The following HSD17B12 variants were observed in gnomAD, a reference collection of about 807,000 sequenced individuals.
HSD17B12 encodes hydroxysteroid 17-beta dehydrogenase 12.
Under a neutral mutation model 39.3 loss-of-function variants are expected in HSD17B12, and 32 were observed. The observed-to-expected ratio is 0.81, with a 90% CI of 0.61 to 1.09. The LOEUF (loss-of-function observed/expected upper bound fraction) is 1.09. Among genes scored for constraint, HSD17B12 ranks in the 50% least tolerant of loss-of-function variants. The pLI, the probability that HSD17B12 is intolerant of heterozygous loss-of-function variation, is 0.00. For synonymous variants in HSD17B12, 150 were observed against 146.7 expected, an observed-to-expected ratio of 1.02 and a Z score of -0.16; for missense variants, 342 against 382.9, an observed-to-expected ratio of 0.89 and a Z score of 0.89.
At chr11:43,578,798 G>A in the HSD17B12 span, 1 of 152,026 alleles carries the variant, frequency 6.6e-6, no homozygotes, top group Non-Finnish European at 1.5e-5. Context: ...CAAGAAGGGG[G>A]CGGAGGGACA....
At chr11:43,578,042 C>T in the HSD17B12 span, among the ~76,000 whole-genome samples, 2 of 152,044 alleles carry the variant, frequency 1.3e-5, no homozygotes, top group African/African-American at 2.4e-5. Flanking sequence ...GAGTATCACG[C>T]GCACACAAAG....
At chr11:43,837,937 G>C (rs117500455) in intron 7 of HSD17B12, 2,138 of 189,128 alleles carry the variant, frequency 0.011, 18 homozygotes, top group Non-Finnish European at 0.017. Flanking sequence ...CAGTAAAGTA[G>C]TATGTGACGA....
At chr11:43,695,117 CAG>C (rs1949898423) in intron 1 of HSD17B12, among the ~76,000 whole-genome samples, 1 of 151,250 alleles carries the variant, frequency 6.6e-6, no homozygotes, top group Admixed American at 6.6e-5. Context: ...GCCTGGGAGA[CAG>C]AGTGAGACTC....
At chr11:43,811,074 C>T (rs1951069181) in intron 4 of HSD17B12, among the ~76,000 whole-genome samples, 2 of 152,170 alleles carry the variant, frequency 1.3e-5, no homozygotes, top group Non-Finnish European at 2.9e-5. Context: ...TATTTCCATC[C>T]TTCACTCCTA....
At chr11:43,787,856 T>TCAACTGTTAAGCTTCTTTTTTCTAACTAC (rs1950830488) in intron 3 of HSD17B12, among the ~76,000 whole-genome samples, 2 of 152,070 alleles carry the variant, frequency 1.3e-5, no homozygotes, top group Non-Finnish European at 2.9e-5. Flanking sequence ...AGAAATAAAA[T>TCAACTGTTAAGCTTCTTTTTTCTAACTAC]CAACTGTTAA....
intron 1 of HSD17B12, among the ~76,000 whole-genome samples, chr11:43,726,015 A>C (rs1164181852): frequency 6.6e-6 from 1 of 152,204 alleles, no homozygotes; most frequent in African/African-American, 2.4e-5. Flanking sequence ...TTTTCACTTT[A>C]TGTAACAGTT....
At chr11:43,633,674 G>A in the HSD17B12 span, among the ~76,000 whole-genome samples, 23 of 152,162 alleles carry the variant, frequency 1.5e-4, no homozygotes, top group Non-Finnish European at 2.8e-4. Flanking sequence ...GCTGTTCCAC[G>A]TAATGGTCCC....
chr11:43,558,848 C>T, the HSD17B12 span, among the ~76,000 whole-genome samples: 1 of 152,002 alleles, frequency 6.6e-6, no homozygotes, highest in Non-Finnish European at 1.5e-5. Context: ...GGGGAGGGTG[C>T]TTGGAAGATA....
intron 3 of HSD17B12, 93 bp downstream of exon 3, chr11:43,754,214 A>T (rs566298587): frequency 2.4e-6 from 2 of 837,068 alleles, no homozygotes; most frequent in South Asian, 3.3e-5. Context: ...AGTTCAGGAA[A>T]CTTCTTTTTC....
chr11:43,632,809 G>T, the HSD17B12 span, among the ~76,000 whole-genome samples: 1 of 152,034 alleles, frequency 6.6e-6, no homozygotes, highest in Non-Finnish European at 1.5e-5. Flanking sequence ...GGGCATGTTG[G>T]CATGTCTTTT....
At chr11:43,773,062 G>C (rs2134990992) in intron 3 of HSD17B12, among the ~76,000 whole-genome samples, 1 of 152,220 alleles carries the variant, frequency 6.6e-6, no homozygotes, top group Non-Finnish European at 1.5e-5. Context: ...AGTGAGCAGA[G>C]ATTGCGCTAC....
At chr11:43,852,537 T>G (rs1311947045) in intron 9 of HSD17B12, 2 of 152,144 alleles carry the variant, frequency 1.3e-5, no homozygotes, top group African/African-American at 4.8e-5. Flanking sequence ...CTTATGTTCC[T>G]TCATTATGTG....
At chr11:43,751,792 T>C (rs955376509) in intron 2 of HSD17B12, among the ~76,000 whole-genome samples, 2 of 152,184 alleles carry the variant, frequency 1.3e-5, no homozygotes, top group South Asian at 2.1e-4. Context: ...CGCTGGACCA[T>C]TTGTAAGTTA....
At chr11:43,668,284 T>C in the HSD17B12 span, among the ~76,000 whole-genome samples, 1 of 152,198 alleles carries the variant, frequency 6.6e-6, no homozygotes, top group Non-Finnish European at 1.5e-5. Flanking sequence ...CCTGGTCTCC[T>C]GGACCCGTCC....
chr11:43,700,066 GTA>G (rs1399945827), intron 1 of HSD17B12, among the ~76,000 whole-genome samples: 4 of 152,154 alleles, frequency 2.6e-5, no homozygotes, highest in African/African-American at 9.7e-5. Flanking sequence ...GGAAGTTTGG[GTA>G]TTTATACACC....
the HSD17B12 span, among the ~76,000 whole-genome samples, chr11:43,652,893 A>G: frequency 6.6e-6 from 1 of 152,134 alleles, no homozygotes; most frequent in African/African-American, 2.4e-5. Context: ...ATGATCTAAT[A>G]CTAATAAGAT....
the HSD17B12 span, among the ~76,000 whole-genome samples, chr11:43,586,538 A>G: frequency 6.6e-6 from 1 of 152,176 alleles, no homozygotes; most frequent in Non-Finnish European, 1.5e-5. Context: ...TTAAGAGGGT[A>G]GTTAAACCCA....
At chr11:43,748,007 A>G (rs1950427746) in intron 1 of HSD17B12, among the ~76,000 whole-genome samples, 1 of 152,192 alleles carries the variant, frequency 6.6e-6, no homozygotes, top group Admixed American at 6.5e-5. Context: ...AGAAAAGTTT[A>G]TCACAGAGAA....
At chr11:43,605,195 T>C in the HSD17B12 span, among the ~76,000 whole-genome samples, 1 of 152,244 alleles carries the variant, frequency 6.6e-6, no homozygotes, top group Admixed American at 6.5e-5. Flanking sequence ...GAATTCTTTG[T>C]CCCTTCCCTT....
Sources: gnomAD v4.1 joint callset for allele counts (sites outside exome capture counted in the v4.1 genomes callset) on GRCh38, gnomAD v4.1.1 for gene constraint, MANE v1.5 for transcripts, NCBI Gene and HGNC (gene_info 2026-07-23, HGNC 2026-07-21) for gene names.